Variants in CNTNAP2 observed in about 807,000 individuals in gnomAD.
CNTNAP2 encodes the protein contactin-associated protein-like 2.
CNTNAP2 carries 98 observed loss-of-function variants against 155.2 expected under a neutral mutation model. The observed-to-expected ratio is 0.63, with a 90% CI of 0.54 to 0.75. The LOEUF (loss-of-function observed/expected upper bound fraction) is 0.75, where lower values mean the gene tolerates loss of function less well. Among genes scored for constraint, CNTNAP2 ranks in the 30% least tolerant of loss-of-function variants. The pLI is 0.00. For synonymous variants in CNTNAP2, 651 were observed against 631.2 expected (o/e 1.03, Z -0.47); for missense variants, 1,727 against 1,688.1 (o/e 1.02, Z -0.40).
chr7:146,528,164 G>A (rs1797718656), intron 1 of CNTNAP2, among the ~76,000 whole-genome samples: 1 of 152,146 alleles, frequency 6.6e-6, no homozygotes. Flanking sequence ...AAGTAGGGTA[G>A]TGGCTTAGAG....
chr7:147,992,790 A>G (rs536531316), intron 15 of CNTNAP2, among the ~76,000 whole-genome samples: 1 of 152,250 alleles, frequency 6.6e-6, no homozygotes, highest in African/African-American at 2.4e-5. Flanking sequence ...TTCTAGCCAT[A>G]CCTCCTTCAG....
At chr7:147,275,516 TA>T (rs1264425957) in intron 8 of CNTNAP2, among the ~76,000 whole-genome samples, 1 of 152,136 alleles carries the variant, frequency 6.6e-6, no homozygotes, top group Admixed American at 6.6e-5. Context: ...TACTGATTTT[TA>T]TACATTGATT....
intron 1 of CNTNAP2, among the ~76,000 whole-genome samples, chr7:146,655,981 C>T (rs544679152): frequency 3.0e-4 from 46 of 152,326 alleles, no homozygotes; most frequent in Non-Finnish European, 5.6e-4. Context: ...TCCACTGAAG[C>T]ATAGCAAGGT....
chr7:146,298,914 T>G (rs10255663), intron 1 of CNTNAP2, among the ~76,000 whole-genome samples: 13,069 of 152,180 alleles, frequency 0.086, 1,581 homozygotes, highest in African/African-American at 0.27. Flanking sequence ...CTCAGATTTA[T>G]TTACCTTGTA....
At chr7:146,599,845 A>T (rs1798923142) in intron 1 of CNTNAP2, among the ~76,000 whole-genome samples, 1 of 150,916 alleles carries the variant, frequency 6.6e-6, no homozygotes, top group African/African-American at 2.4e-5. Flanking sequence ...AAGACACTAA[A>T]TTTTTTGAAT....
chr7:146,896,762 T>C (rs866603126), intron 3 of CNTNAP2, among the ~76,000 whole-genome samples: 39 of 152,204 alleles, frequency 2.6e-4, no homozygotes, highest in African/African-American at 8.9e-4. Flanking sequence ...TAGTTTATTT[T>C]CTTCTGTTAC....
At chr7:147,916,070 T>C (rs1800155411) in intron 14 of CNTNAP2, among the ~76,000 whole-genome samples, 1 of 152,170 alleles carries the variant, frequency 6.6e-6, no homozygotes, top group Admixed American at 6.5e-5. Flanking sequence ...GGAATTTACC[T>C]TGGGGATGAA....
At chr7:148,044,281 G>A (rs150151826) in intron 15 of CNTNAP2, among the ~76,000 whole-genome samples, 4 of 151,442 alleles carry the variant, frequency 2.6e-5, no homozygotes, top group Non-Finnish European at 4.4e-5. Context: ...TTCCCGGGAC[G>A]TGGTTGTGGA....
intron 11 of CNTNAP2, among the ~76,000 whole-genome samples, chr7:147,493,046 G>A (rs548529933): frequency 6.6e-6 from 1 of 152,162 alleles, no homozygotes; most frequent in African/African-American, 2.4e-5. Flanking sequence ...TACTTTTAAA[G>A]AACTTATGCC....
At position 148,172,470 on chromosome 7, in the gene CNTNAP2, G is replaced by T. The variant is rs1271534719; in HGVS notation, c.3002G>T (p.Cys1001Phe). ...CSNTAYDGTF[C>F]NKDVGAFFEE... The stretch of plus-strand genomic sequence containing the variant: ...AATACTGCATATGATGGAACATTTT[G>T]CAACAAAGGTAAGGTGGAACCCATT... The change falls in exon 18 of 24, where the codon TGC (cysteine) becomes TTC (phenylalanine). Residue 1001 changes from cysteine (C) to phenylalanine (F), a missense_variant. Transcript: ENST00000361727. The T allele has an allele frequency of 3.1e-6, 5 of 1,614,064 alleles. No individual in the cohort carries two copies. The highest frequency in any genetic ancestry group is 4.2e-6 in the Non-Finnish European group (5 of 1,179,962).
chr7:147,662,702 C>T (rs914617504), intron 13 of CNTNAP2, among the ~76,000 whole-genome samples: 24 of 152,234 alleles, frequency 1.6e-4, no homozygotes, highest in South Asian at 1.2e-3. Flanking sequence ...TCTGTGTCTT[C>T]CATTCCTTTG....
chr7:147,469,506 A>ATTTTTTTTTTTGTTTTTTTTTTTT (rs1798175773), intron 10 of CNTNAP2, among the ~76,000 whole-genome samples: 1 of 79,104 alleles, frequency 1.3e-5, no homozygotes, highest in Non-Finnish European at 2.4e-5. Context: ...TCAGGCTGCA[A>ATTTTTTTTTTTGTTTTTTTTTTTT]TTTTTTTTTT....
intron 18 of CNTNAP2, among the ~76,000 whole-genome samples, chr7:148,196,104 T>A (rs909895417): frequency 2.0e-5 from 3 of 152,248 alleles, no homozygotes; most frequent in African/African-American, 7.2e-5. Flanking sequence ...ACAGCATTTT[T>A]AAAGAGTTTC....
intron 1 of CNTNAP2, among the ~76,000 whole-genome samples, chr7:146,345,412 G>T (rs1470872632): frequency 6.6e-6 from 1 of 152,162 alleles, no homozygotes; most frequent in Non-Finnish European, 1.5e-5. Context: ...CGCCTGATAA[G>T]ACCGTTGAGG....
In CNTNAP2 at chr7:146,839,872, T is replaced by C; in HGVS notation, c.370T>C (p.Trp124Arg). The change falls in exon 3 of 24, where the codon TGG (tryptophan) becomes CGG (arginine). Residue 124 changes from tryptophan (W) to arginine (R), a missense_variant. Trp to Arg is a moderately radical substitution (Grantham distance 101). Transcript: ENST00000361727. ...RMLYSDTGRN[W>R]KPYHQDGNIW... is the part of the protein sequence containing the mutation. ...GCTCTACAGCGACACAGGGAGAAAC[T>C]GGAAACCCTATCATCAAGATGGGAA... The C allele has an allele frequency of 6.2e-7, 1 of 1,614,150 alleles. No individual in the cohort carries two copies.
At chr7:147,587,532 C>T (rs1800653915) in intron 12 of CNTNAP2, among the ~76,000 whole-genome samples, 1 of 152,124 alleles carries the variant, frequency 6.6e-6, no homozygotes, top group Non-Finnish European at 1.5e-5. Flanking sequence ...TTGTACACCC[C>T]TAAAAATTAC....
chr7:146,649,709 T>C (rs1799872852), intron 1 of CNTNAP2, among the ~76,000 whole-genome samples: 1 of 152,172 alleles, frequency 6.6e-6, no homozygotes, highest in Admixed American at 6.6e-5. Context: ...TTTTTAGTGA[T>C]GTTATTTTAG....
intron 1 of CNTNAP2, among the ~76,000 whole-genome samples, chr7:146,377,223 G>T (rs907845179): frequency 6.6e-6 from 1 of 152,078 alleles, no homozygotes; most frequent in Non-Finnish European, 1.5e-5. Context: ...AGAGCAATGT[G>T]CTCTCTTTTG....
chr7:146,934,731 C>T (rs1419159162), intron 3 of CNTNAP2, among the ~76,000 whole-genome samples: 1 of 152,150 alleles, frequency 6.6e-6, no homozygotes. Context: ...ACATTATTTT[C>T]ACTGAATCAT....
Sources: gnomAD v4.1 joint callset for allele counts (sites outside exome capture counted in the v4.1 genomes callset) on GRCh38, gnomAD v4.1.1 for gene constraint, MANE v1.5 for transcripts, NCBI Gene and HGNC (gene_info 2026-07-23, HGNC 2026-07-21) for gene names.